Variants in FYN observed in about 807,000 individuals in gnomAD.
The protein encoded by FYN is tyrosine-protein kinase Fyn.
FYN carries 10 observed loss-of-function variants against 70.2 expected under a neutral mutation model. The observed-to-expected ratio is 0.14, with a 90% CI of 0.09 to 0.24. FYN has a LOEUF of 0.24. FYN is among the 10% of genes least tolerant of loss of function. FYN has a pLI of 1.00. For synonymous variants in FYN, 236 were observed against 248.6 expected (o/e 0.95, Z 0.48); for missense variants, 319 against 673.1 (o/e 0.47, Z 5.82).
intron 3 of FYN, among the ~76,000 whole-genome samples, chr6:111,751,963 C>T (rs1802508688): frequency 6.6e-6 from 1 of 151,928 alleles, no homozygotes; most frequent in Non-Finnish European, 1.5e-5. Context: ...AAAATCCTAC[C>T]ATGTATTTTT....
At chr6:111,838,656 G>A (rs1254930065) in intron 2 of FYN, among the ~76,000 whole-genome samples, 1 of 152,184 alleles carries the variant, frequency 6.6e-6, no homozygotes, top group African/African-American at 2.4e-5. Context: ...TTAATTGGAC[G>A]ACAGAATAGA....
chr6:111,822,196 CACTATTCACAATAGTAAAGAGTTGGA>C (rs954525861), intron 2 of FYN, among the ~76,000 whole-genome samples: 23 of 152,264 alleles, frequency 1.5e-4, no homozygotes, highest in African/African-American at 4.8e-4. Flanking sequence ...TTTATTGTGG[CACTATTCACAATAGTAAAGAGTTGGA>C]ACCAACCCAA....
At position 111,867,753 on chromosome 6, in the gene FYN, A is replaced by G. The variant is rs1046783907; in HGVS notation, c.-123+5215T>C. On this transcript the variant is annotated intron_variant, in intron 1 of 13. Transcript: ENST00000354650. ...TCATCTACTACTCATTTAAGTTTCC[A>G]TAACTACCTTCCCTGCATTAGTTCT... Among the ~76,000 whole-genome samples the G allele has an allele frequency of 3.9e-4, 60 of 152,194 alleles. 1 individual carries two copies. Among genetic ancestry groups the G allele is most frequent in the African/African-American group, 1.4e-3 (57 of 41,496 alleles).
At chr6:111,665,298 A>T (rs1490445596) in intron 13 of FYN, among the ~76,000 whole-genome samples, 1 of 151,728 alleles carries the variant, frequency 6.6e-6, no homozygotes, top group Non-Finnish European at 1.5e-5. Flanking sequence ...CTGTATTTAA[A>T]ATACAGTATT....
intron 12 of FYN, among the ~76,000 whole-genome samples, chr6:111,688,954 A>AT (rs1253872456): frequency 5.3e-5 from 8 of 152,064 alleles, no homozygotes; most frequent in Non-Finnish European, 1.0e-4. Context: ...GGGAGACAGT[A>AT]TTTTTTTTCT....
chr6:111,794,093 C>T lies in FYN; in HGVS notation c.-81-13458G>A, dbSNP rs111338849. On this transcript the variant is annotated intron_variant, in intron 2 of 13. Coordinates refer to ENST00000354650, the MANE Select transcript of FYN (RefSeq NM_002037.5). ...AGAAGATCCCGGGGCAGGGCCCCTG[C>T]CACTGAGCTGCTCTCCTCCATCCGC... is the stretch of plus-strand genomic sequence containing the variant. Among the ~76,000 whole-genome samples, 922 of 152,372 alleles carry T rather than the reference C, an allele frequency of 6.1e-3. 5 individuals carry two copies. The highest frequency in any genetic ancestry group is 9.5e-3 in the Non-Finnish European group (644 of 68,038).
intron 4 of FYN, among the ~76,000 whole-genome samples, chr6:111,719,277 A>G (rs1165735203): frequency 6.6e-6 from 1 of 151,702 alleles, no homozygotes; most frequent in Non-Finnish European, 1.5e-5. Flanking sequence ...GCAGCAGAAT[A>G]TAGCCTTGTG....
intron 3 of FYN, among the ~76,000 whole-genome samples, chr6:111,751,317 A>G (rs1802475700): frequency 6.6e-6 from 1 of 152,154 alleles, no homozygotes; most frequent in African/African-American, 2.4e-5. Flanking sequence ...GGTTGACAAC[A>G]TCATGTTTAT....
chr6:111,705,699 A>G (rs1800051512), intron 6 of FYN, among the ~76,000 whole-genome samples: 2 of 152,144 alleles, frequency 1.3e-5, no homozygotes, highest in Non-Finnish European at 2.9e-5. Context: ...AAATACAAAA[A>G]TTAGCTGGGC....
intron 3 of FYN, among the ~76,000 whole-genome samples, chr6:111,748,871 T>C (rs1802359531): frequency 6.6e-6 from 1 of 152,246 alleles, no homozygotes; most frequent in Non-Finnish European, 1.5e-5. Flanking sequence ...TTACCTGTGT[T>C]GCCTGCATTT....
chr6:111,739,177 G>A (rs1360898110), intron 3 of FYN, among the ~76,000 whole-genome samples: 2 of 152,224 alleles, frequency 1.3e-5, no homozygotes, highest in African/African-American at 4.8e-5. Flanking sequence ...AAGCTCTACA[G>A]ATTCCACTGG....
chr6:111,755,746 G>T (rs1802702339), intron 3 of FYN, among the ~76,000 whole-genome samples: 1 of 152,076 alleles, frequency 6.6e-6, no homozygotes, highest in South Asian at 2.1e-4. Context: ...ATTCATTTGG[G>T]AATTCAAAAT....
At chr6:111,776,086 C>T (rs896526754) in intron 3 of FYN, among the ~76,000 whole-genome samples, 1 of 152,182 alleles carries the variant, frequency 6.6e-6, no homozygotes, top group African/African-American at 2.4e-5. Flanking sequence ...GCAGACCAGA[C>T]AGCAAGTTCT....
intron 3 of FYN, among the ~76,000 whole-genome samples, chr6:111,756,076 T>C (rs1182449493): frequency 5.3e-5 from 8 of 152,044 alleles, no homozygotes; most frequent in Non-Finnish European, 1.0e-4. Context: ...AAGCTATTTA[T>C]TTGGAAAGAC....
chr6:111,853,172 G>A (rs896855309), intron 1 of FYN, among the ~76,000 whole-genome samples: 3 of 152,182 alleles, frequency 2.0e-5, no homozygotes, highest in African/African-American at 4.8e-5. Flanking sequence ...TCCAAGAGGT[G>A]GGGAGGGGCT....
Position 111,694,848 on chromosome 6 carries a change from A to G in FYN, c.1043-144T>C. On this transcript the variant is annotated intron_variant, in intron 10 of 13. Transcript: ENST00000354650. This position sits in a 1 kb window ranked among gnomAD's most constrained non-coding sequence, Gnocchi z 5.0. Reference sequence around the variant, plus strand: ...ATGGGGGGACAAAAAGGTTTATATAAAAAAGCAGGGTAGAAAAAAGTATAG... The same window carrying G: ...ATGGGGGGACAAAAAGGTTTATATAGAAAAGCAGGGTAGAAAAAAGTATAG... 1.5e-6 allele frequency: 1 copy of G among 681,630 alleles called. No homozygotes were observed. Among genetic ancestry groups the G allele is most frequent in the Non-Finnish European group, 2.4e-6 (1 of 412,768 alleles). The allele number at this position is 681,630 out of a possible 1,614,324, so 42.2% of individuals were successfully genotyped here. A position where few individuals can be genotyped will look rare whatever the true frequency, so the allele number is the denominator to read the frequency against.
intron 1 of FYN, among the ~76,000 whole-genome samples, chr6:111,869,546 A>G (rs751486147): frequency 2.0e-5 from 3 of 152,196 alleles, no homozygotes; most frequent in Non-Finnish European, 2.9e-5. Flanking sequence ...GCATGCTACC[A>G]TGCCTGGATA....
At chr6:111,688,453 GTTGGT>G (rs1300999273) in intron 12 of FYN, among the ~76,000 whole-genome samples, 3 of 152,184 alleles carry the variant, frequency 2.0e-5, no homozygotes, top group Admixed American at 6.5e-5. Flanking sequence ...GTGTGGGGGG[GTTGGT>G]GACCTTGGTT....
At chr6:111,839,361 G>A (rs1773284683) in intron 2 of FYN, among the ~76,000 whole-genome samples, 1 of 152,056 alleles carries the variant, frequency 6.6e-6, no homozygotes, top group African/African-American at 2.4e-5. Flanking sequence ...CTCCTATGTA[G>A]CATGGGGAAA....
Sources: allele counts gnomAD v4.1 joint callset (sites outside exome capture counted in the v4.1 genomes callset), GRCh38; gene constraint gnomAD v4.1.1; non-coding constraint Gnocchi (gnomAD v3.1); transcripts MANE v1.5; gene names NCBI Gene and HGNC (gene_info 2026-07-23, HGNC 2026-07-21).